Variants in FLACC1 observed in about 807,000 individuals in gnomAD.
The protein encoded by FLACC1 is flagellum-associated coiled-coil domain-containing protein 1.
FLACC1 carries 66 observed loss-of-function variants against 62.8 expected under a neutral mutation model. That is an observed-to-expected ratio of 1.05 (90% CI 0.86 to 1.29). FLACC1 has a LOEUF of 1.29. Among genes scored for constraint, FLACC1 ranks in the 50% most tolerant of loss-of-function variants. FLACC1 has a pLI of 0.00. For synonymous variants in FLACC1, 156 were observed against 161.0 expected (o/e 0.97, Z 0.24); for missense variants, 452 against 489.1 (o/e 0.92, Z 0.71).
chr2:201,329,022 C>G (rs1373781742), intron 9 of FLACC1, among the ~76,000 whole-genome samples: 2 of 152,110 alleles, frequency 1.3e-5, no homozygotes, highest in Admixed American at 1.3e-4. Flanking sequence ...TCTCCTGTCC[C>G]TTTGTAGTAA....
At chr2:201,342,344 A>T (rs766523006) in intron 7 of FLACC1, 26 bp downstream of exon 7, 1 of 1,613,226 alleles carries the variant, frequency 6.2e-7, no homozygotes, top group Admixed American at 1.7e-5. Context: ...ATCAACACAC[A>T]CAAGGGTCCA....
At chr2:201,343,297 A>G (rs1390985728) in intron 6 of FLACC1, among the ~76,000 whole-genome samples, 1 of 152,236 alleles carries the variant, frequency 6.6e-6, no homozygotes, top group African/African-American at 2.4e-5. Flanking sequence ...ATTTTGTCCA[A>G]TGATCTACCA....
chr2:201,343,292 G>A (rs1321283888), intron 6 of FLACC1, among the ~76,000 whole-genome samples: 1 of 152,182 alleles, frequency 6.6e-6, no homozygotes, highest in African/African-American at 2.4e-5. Flanking sequence ...TGTTCATTTT[G>A]TCCAATGATC....
chr2:201,333,179 T>C (rs906842185), intron 7 of FLACC1, among the ~76,000 whole-genome samples: 2 of 152,208 alleles, frequency 1.3e-5, no homozygotes, highest in Non-Finnish European at 2.9e-5. Context: ...ACTAACACTT[T>C]GTAAGTGTTC....
chr2:201,341,555 A>T (rs1019534512), intron 7 of FLACC1, among the ~76,000 whole-genome samples: 3 of 151,124 alleles, frequency 2.0e-5, no homozygotes, highest in Non-Finnish European at 4.4e-5. Flanking sequence ...ATATACACAA[A>T]TGGTTATAAT....
intron 9 of FLACC1, among the ~76,000 whole-genome samples, chr2:201,324,117 C>T (rs1203096716): frequency 6.6e-6 from 1 of 152,006 alleles, no homozygotes; most frequent in Admixed American, 6.6e-5. Flanking sequence ...AAGAGACTCA[C>T]CTAACATGAA....
chr2:201,344,291 C>T (rs1296697652), intron 5 of FLACC1, 28 bp from the exon 6 acceptor site: 2 of 1,562,880 alleles, frequency 1.3e-6, no homozygotes, highest in Middle Eastern at 1.7e-4. Context: ...CTTCTATCAT[C>T]CACAAAGCTT....
At chr2:201,358,173 C>T (rs549317509), upstream of FLACC1, among the ~76,000 whole-genome samples, 9 of 152,314 alleles carry the variant, frequency 5.9e-5, no homozygotes, top group East Asian at 1.7e-3. Flanking sequence ...ATACTCAATA[C>T]AACTTAGAGA....
chr2:201,308,420 A>G (rs1950150874), intron 10 of FLACC1, among the ~76,000 whole-genome samples: 2 of 152,188 alleles, frequency 1.3e-5, no homozygotes, highest in South Asian at 4.1e-4. Context: ...CAGAATGTGA[A>G]TTAATTTTCC....
intron 9 of FLACC1, among the ~76,000 whole-genome samples, chr2:201,321,135 T>A (rs1950396055): frequency 6.6e-6 from 1 of 152,200 alleles, no homozygotes. Context: ...ACAGAGTCTA[T>A]TACCCTGCCA....
chr2:201,352,962 C>T (rs1951055537), intron 1 of FLACC1, among the ~76,000 whole-genome samples: 1 of 152,160 alleles, frequency 6.6e-6, no homozygotes, highest in African/African-American at 2.4e-5. Flanking sequence ...GAAACGAATT[C>T]CCCCTGGAGC....
rs558115012 is a variant in FLACC1 at position 201,293,101 on chromosome 2, T to C, written c.943-3316A>G. ...GACTTTAACACCCCACTGTCAACATTAGACAGCTCCACGAGACAGAAAGTT... is the reference window on the plus strand; with the variant it reads ...GACTTTAACACCCCACTGTCAACATCAGACAGCTCCACGAGACAGAAAGTT... On this transcript the variant is annotated intron_variant, in intron 12 of 14. Coordinates refer to ENST00000392257, the MANE Select transcript of FLACC1 (RefSeq NM_001127391.3). 4.6e-5 allele frequency among the ~76,000 whole-genome samples: 7 copies of C among 152,214 alleles called. No homozygotes were observed. The South Asian group carries it at 1.5e-3, about 32-fold the overall frequency.
intron 7 of FLACC1, among the ~76,000 whole-genome samples, chr2:201,333,708 C>T (rs1032535376): frequency 6.6e-6 from 1 of 152,098 alleles, no homozygotes; most frequent in African/African-American, 2.4e-5. Context: ...TCCAGCTTCA[C>T]CCATGTCCCT....
At chr2:201,330,914 C>G (rs1374275129) in intron 7 of FLACC1, 81 bp from the exon 8 acceptor site, 1 of 1,028,548 alleles carries the variant, frequency 9.7e-7, no homozygotes, top group East Asian at 2.6e-5. Context: ...TGATCCTACC[C>G]TCCACCCTCC....
At chr2:201,294,472 C>G (rs1463116332) in intron 12 of FLACC1, among the ~76,000 whole-genome samples, 1 of 152,162 alleles carries the variant, frequency 6.6e-6, no homozygotes, top group African/African-American at 2.4e-5. Context: ...AATTCGAAAA[C>G]CGTTCATGCT....
At chr2:201,293,858 G>T (rs1389470329) in intron 12 of FLACC1, among the ~76,000 whole-genome samples, 2 of 151,740 alleles carry the variant, frequency 1.3e-5, no homozygotes, top group Non-Finnish European at 2.9e-5. Context: ...CGATCCCACA[G>T]AACTACAAAC....
chr2:201,301,726 G>A (rs1949988454), intron 11 of FLACC1, among the ~76,000 whole-genome samples: 1 of 152,016 alleles, frequency 6.6e-6, no homozygotes, highest in African/African-American at 2.4e-5. Flanking sequence ...GACTAACAGT[G>A]GATCTCTCGG....
At chr2:201,339,433 T>C (rs1276907770) in intron 7 of FLACC1, among the ~76,000 whole-genome samples, 1 of 152,090 alleles carries the variant, frequency 6.6e-6, no homozygotes, top group Non-Finnish European at 1.5e-5. Flanking sequence ...TGATTTTTAT[T>C]ACTTCTTTTC....
chr2:201,301,427 T>C (rs1437904541), intron 11 of FLACC1, among the ~76,000 whole-genome samples: 1 of 152,156 alleles, frequency 6.6e-6, no homozygotes, highest in African/African-American at 2.4e-5. Context: ...AATATGGGAC[T>C]ATGTGAAAAG....
Sources: gnomAD v4.1 joint callset for allele counts (sites outside exome capture counted in the v4.1 genomes callset) on GRCh38, gnomAD v4.1.1 for gene constraint, MANE v1.5 for transcripts, NCBI Gene and HGNC (gene_info 2026-07-23, HGNC 2026-07-21) for gene names.